CTDP1: variants seen among roughly 807,000 people sequenced by gnomAD.
CTDP1 encodes the protein CTD phosphatase 1.
A neutral mutation model predicts 91.8 loss-of-function variants in CTDP1; 47 were observed. The ratio of observed to expected loss-of-function variants is 0.51; its 90% CI spans 0.41 to 0.65. The LOEUF (loss-of-function observed/expected upper bound fraction) is 0.65. Among genes scored for constraint, CTDP1 ranks in the 30% least tolerant of loss-of-function variants. The pLI is 0.00. For synonymous variants in CTDP1, 656 were observed against 598.5 expected, an observed-to-expected ratio of 1.10 and a Z score of -1.40; for missense variants, 1,272 against 1,373.7, an observed-to-expected ratio of 0.93 and a Z score of 1.17.
intron 12 of CTDP1, among the ~76,000 whole-genome samples, chr18:79,737,962 T>C (rs1000080347): frequency 1.3e-5 from 2 of 152,212 alleles, no homozygotes; most frequent in Non-Finnish European, 2.9e-5. Flanking sequence ...TTTTTGCCTG[T>C]TTCTGAATCC....
Position 79,679,965 on chromosome 18 carries a change from G to A in CTDP1, c.18G>A (p.Ala6=), listed in dbSNP as rs1599170998. MEVPA[A]GRVPAEGAPT... is the part of the protein sequence containing the mutation. Reference sequence around the variant, plus strand: ...TGTCCGCGATGGAGGTGCCGGCCGCGGGTCGCGTTCCTGCCGAGGGCGCCC... The same window carrying A: ...TGTCCGCGATGGAGGTGCCGGCCGCAGGTCGCGTTCCTGCCGAGGGCGCCC... Residue 6 remains alanine, a synonymous_variant, in exon 1 of 13, where the codon GCG becomes GCA. Coordinates refer to ENST00000613122, the MANE Select transcript of CTDP1 (RefSeq NM_004715.5). 7 of 1,380,412 alleles carry A rather than the reference G, an allele frequency of 5.1e-6. No homozygotes were observed. Among genetic ancestry groups the A allele is most frequent in the African/African-American group, 3.0e-5 (2 of 65,858 alleles). The allele number at this position is 1,380,412 out of a possible 1,614,324, so 85.5% of individuals were successfully genotyped here.
intron 1 of CTDP1, chr18:79,681,461 C>T (rs948777184): frequency 4.1e-6 from 4 of 985,294 alleles, no homozygotes; most frequent in African/African-American, 1.7e-5. Context: ...AAGATCCCTA[C>T]TGAGGTTTCA....
At position 79,739,850 on chromosome 18, in the gene CTDP1, T is replaced by TCGGCGCTTGCTCCCTGCCTG. The variant is rs1288194047; in HGVS notation, c.2747+3330_2747+3331insGGCGCTTGCTCCCTGCCTGC. 1.3e-3 allele frequency among the ~76,000 whole-genome samples: 109 copies of TCGGCGCTTGCTCCCTGCCTG among 83,688 alleles called. 4 individuals are homozygous for TCGGCGCTTGCTCCCTGCCTG. The highest frequency in any genetic ancestry group is 1.8e-3 in the Non-Finnish European group (73 of 39,920). 54.9% of individuals were successfully genotyped at this position (83,688 alleles called of 152,430 possible). ...TACCCACGGCCGGGACGGGTGGGAC[T>TCGGCGCTTGCTCCCTGCCTG]CTCATACCCACGGCCGGGACGGGTG... On this transcript the variant is annotated intron_variant, in intron 12 of 12. Coordinates refer to ENST00000613122, the MANE Select transcript of CTDP1 (RefSeq NM_004715.5).
At chr18:79,739,506 C>T (rs1252686545) in intron 12 of CTDP1, among the ~76,000 whole-genome samples, 1 of 152,104 alleles carries the variant, frequency 6.6e-6, no homozygotes, top group Non-Finnish European at 1.5e-5. Flanking sequence ...CGGAACTGAC[C>T]CTCCCTGGTG....
At chr18:79,747,231 G>C (rs1203983257) in intron 12 of CTDP1, among the ~76,000 whole-genome samples, 1 of 152,218 alleles carries the variant, frequency 6.6e-6, no homozygotes, top group Non-Finnish European at 1.5e-5. Context: ...GGGAGGGTCA[G>C]GTGTGGTGAG....
At chr18:79,742,137 G>A (rs10468804) in intron 12 of CTDP1, among the ~76,000 whole-genome samples, 4,087 of 17,072 alleles carry the variant, frequency 0.24, 144 homozygotes, top group Non-Finnish European at 0.42. Context: ...CAGCAGAGGA[G>A]GCATGAGGTG....
At chr18:79,733,280 CG>C (rs1568210987) in intron 11 of CTDP1, among the ~76,000 whole-genome samples, 1 of 151,844 alleles carries the variant, frequency 6.6e-6, no homozygotes, top group Non-Finnish European at 1.5e-5. Context: ...CGGCACAGGA[CG>C]GGTGTGCGTT....
intron 1 of CTDP1, among the ~76,000 whole-genome samples, chr18:79,686,988 G>A (rs370549072): frequency 0.067 from 8,043 of 120,668 alleles, 218 homozygotes; most frequent in Non-Finnish European, 0.11. Context: ...TCACTGGTGG[G>A]CCTGCACCGC....
chr18:79,727,790 T>C (rs2086481056), intron 10 of CTDP1, among the ~76,000 whole-genome samples: 1 of 152,190 alleles, frequency 6.6e-6, no homozygotes, highest in South Asian at 2.1e-4. Flanking sequence ...TAGTGCCTCC[T>C]GGTCTCATCC....
chr18:79,706,175 C>T lies in CTDP1; in HGVS notation c.772+1258C>T, dbSNP rs116757288. Among the ~76,000 whole-genome samples the T allele has an allele frequency of 6.6e-3, 999 of 152,322 alleles. 15 individuals carry two copies. The highest frequency in any genetic ancestry group is 0.022 in the African/African-American group (931 of 41,570). On this transcript the variant is annotated intron_variant, in intron 5 of 12. Coordinates refer to ENST00000613122, the MANE Select transcript of CTDP1 (RefSeq NM_004715.5). ...AGCTGCGGGAAATGCAGCAAGCCGG[C>T]GCCCACTGACCTGCAGCCAAGTTGC...
chr18:79,741,552 C>T (rs1301980669), intron 12 of CTDP1, among the ~76,000 whole-genome samples: 1 of 152,202 alleles, frequency 6.6e-6, no homozygotes, highest in African/African-American at 2.4e-5. Context: ...AGATTTTAGT[C>T]CTGGTGCCCC....
chr18:79,736,396 CGAGAA>C lies in CTDP1; in HGVS notation c.2626_2630del (p.Lys876GlufsTer3). 1 of 1,549,414 alleles carries C rather than the reference CGAGAA, an allele frequency of 6.5e-7. No homozygotes were observed. The highest frequency in any genetic ancestry group is 8.7e-7 in the Non-Finnish European group (1 of 1,146,982). ...GAGAAGGCAGCGACGACAGCGACAG[CGAGAA>C]GAGGAGGCCTGAGGAGCAGGAGGAG... is the stretch of plus-strand genomic sequence containing the variant. On this transcript the variant is annotated frameshift_variant, in exon 12 of 13. Transcript: ENST00000613122. LOFTEE classifies it high-confidence loss of function.
intron 4 of CTDP1, among the ~76,000 whole-genome samples, chr18:79,701,453 T>A (rs2085854068): frequency 1.3e-5 from 2 of 151,506 alleles, no homozygotes; most frequent in Non-Finnish European, 1.5e-5. Flanking sequence ...GAGCTTGCAG[T>A]GAGCCACGAT....
At chr18:79,688,670 G>T (rs528158443) in intron 1 of CTDP1, among the ~76,000 whole-genome samples, 131 of 152,222 alleles carry the variant, frequency 8.6e-4, no homozygotes, top group African/African-American at 3.0e-3. Context: ...AAAGTGCTGG[G>T]ATTACAGGCG....
intron 2 of CTDP1, 66 bp from the exon 3 acceptor site, chr18:79,695,911 G>A (rs2085736546): frequency 7.9e-7 from 1 of 1,267,272 alleles, no homozygotes; most frequent in Non-Finnish European, 1.1e-6. Context: ...CTGTCACTTA[G>A]AGCCCAGTGT....
chr18:79,710,081 A>C (rs2086048636), intron 5 of CTDP1, among the ~76,000 whole-genome samples: 1 of 152,234 alleles, frequency 6.6e-6, no homozygotes, highest in Admixed American at 6.5e-5. Flanking sequence ...TTAGATAGGC[A>C]CTTCAGTAAG....
At chr18:79,695,678 C>T (rs1050612100) in intron 2 of CTDP1, among the ~76,000 whole-genome samples, 6 of 152,198 alleles carry the variant, frequency 3.9e-5, no homozygotes, top group Admixed American at 6.5e-5. Flanking sequence ...GGTGCGGCAG[C>T]TACTTTTTCT....
Position 79,695,215 on chromosome 18 carries a change from T to G in CTDP1, c.315-10T>G, listed in dbSNP as rs1242719130. Reference sequence around the variant, plus strand: ...TTTTAAAGTGTTGTTCCCCTTGTGTTTTTTTGTAGAGCGGTTCTGGTGAGG... The same window carrying G: ...TTTTAAAGTGTTGTTCCCCTTGTGTGTTTTTGTAGAGCGGTTCTGGTGAGG... On this transcript the variant is annotated splice_polypyrimidine_tract_variant and intron_variant, in intron 1 of 12. Transcript: ENST00000613122. The G allele has an allele frequency of 6.2e-7, 1 of 1,613,886 alleles. No homozygotes were observed. The highest frequency in any genetic ancestry group is 8.5e-7 in the Non-Finnish European group (1 of 1,179,878).
intron 6 of CTDP1, 50 bp from the exon 7 acceptor site, chr18:79,712,922 C>T (rs2086112473): frequency 6.3e-7 from 1 of 1,590,632 alleles, no homozygotes; most frequent in Non-Finnish European, 8.6e-7. Flanking sequence ...AGATGAATGA[C>T]TACAACTTTT....
Sources: gnomAD v4.1 joint callset for allele counts (sites outside exome capture counted in the v4.1 genomes callset) on GRCh38, gnomAD v4.1.1 for gene constraint, MANE v1.5 for transcripts, NCBI Gene and HGNC (gene_info 2026-07-23, HGNC 2026-07-21) for gene names.